SUPT16H: variants seen among roughly 807,000 people sequenced by gnomAD.
SUPT16H encodes FACT complex subunit SPT16.
In SUPT16H, 24 loss-of-function variants were observed where a neutral mutation model predicts 136.2. The observed-to-expected ratio is 0.18, with a 90% CI of 0.13 to 0.25. The LOEUF (loss-of-function observed/expected upper bound fraction) is 0.25. SUPT16H is among the 10% of genes least tolerant of loss of function. The pLI is 1.00. For synonymous variants in SUPT16H, 415 were observed against 428.2 expected (o/e 0.97, Z 0.38); for missense variants, 623 against 1,270.2 (o/e 0.49, Z 7.74).
intron 5 of SUPT16H, 194 bp downstream of exon 5, chr14:21,369,556 G>T: frequency 1.0e-6 from 1 of 976,182 alleles, no homozygotes; most frequent in South Asian, 1.7e-5. Flanking sequence ...TGATTCTCAA[G>T]TAAAATAATG....
Position 21,368,428 on chromosome 14 carries a change from T to C in SUPT16H, c.796A>G (p.Met266Val). ...KFSVVSDKNH[M>V]HFGAITCAMG... ...GCACAAGTGATAGCCCCAAAGTGCA[T>C]ATGATTCTTGTCACTAGAGACCAAC... Residue 266 changes from methionine to valine, a missense_variant, in exon 7 of 26, where the codon ATG (methionine) becomes GTG (valine). Coordinates refer to ENST00000216297, the MANE Select transcript of SUPT16H (RefSeq NM_007192.4). The C allele has an allele frequency of 1.2e-6, 2 of 1,608,502 alleles. No homozygotes were observed. The highest frequency in any genetic ancestry group is 2.2e-5 in the East Asian group (1 of 44,736).
chr14:21,361,237 T>TAGAC (rs765388708), intron 15 of SUPT16H, 24 bp from the exon 16 acceptor site: 4 of 1,612,894 alleles, frequency 2.5e-6, no homozygotes, highest in Non-Finnish European at 3.4e-6. Context: ...ACAGCATTTA[T>TAGAC]AGACATTTCT....
At chr14:21,366,343 T>C in intron 8 of SUPT16H, 96 bp downstream of exon 8, 1 of 1,136,260 alleles carries the variant, frequency 8.8e-7, no homozygotes, top group Non-Finnish European at 1.3e-6. Context: ...CCATAAATGT[T>C]GGCTGAATCA....
At chr14:21,359,387 C>T (rs138211623) in intron 19 of SUPT16H, 97 bp downstream of exon 19, 36,615 of 1,528,318 alleles carry the variant, frequency 0.024, 472 homozygotes, top group African/African-American at 0.034. Flanking sequence ...CGAGTCACCA[C>T]GCCAGCCCAG....
chr14:21,363,376 C>T, intron 11 of SUPT16H, 48 bp from the exon 12 acceptor site: 1 of 1,603,564 alleles, frequency 6.2e-7, no homozygotes, highest in South Asian at 1.1e-5. Context: ...TTATTTTAGC[C>T]AATATTATTT....
chr14:21,360,409 G>T lies in SUPT16H; in HGVS notation c.2175+6C>A, dbSNP rs1278949904. 5 of 1,595,256 alleles carry T rather than the reference G, an allele frequency of 3.1e-6. No individual in the cohort carries two copies. The African/African-American group carries it at 4.0e-5, about 13-fold the overall frequency. On this transcript the variant is annotated splice_donor_region_variant and intron_variant, in intron 18 of 25. Coordinates refer to ENST00000216297, the MANE Select transcript of SUPT16H (RefSeq NM_007192.4). ...AGCTGACAGCTAGTTAAGTAGAAAG[G>T]TATACCTTGAGGTGAAAGTGCAAGA...
chr14:21,382,286 C>T (rs191476084), intron 1 of SUPT16H, among the ~76,000 whole-genome samples: 55 of 152,206 alleles, frequency 3.6e-4, no homozygotes, highest in African/African-American at 1.3e-3. Flanking sequence ...TAACATTCTC[C>T]CAAGATGATG....
intron 18 of SUPT16H, 81 bp from the exon 19 acceptor site, chr14:21,359,690 G>C: frequency 6.5e-7 from 1 of 1,528,326 alleles, no homozygotes; most frequent in Non-Finnish European, 8.8e-7. Context: ...TCCAAACTTG[G>C]GCCTCCACAG....
intron 6 of SUPT16H, 129 bp from the exon 7 acceptor site, chr14:21,368,570 C>G: frequency 9.4e-7 from 1 of 1,065,258 alleles, no homozygotes. Flanking sequence ...GAATAAGGAC[C>G]TAAACTTTTT....
rs1886594480 is a variant in SUPT16H at position 21,363,225 on chromosome 14, A to AAACTTACT, written c.1395_1395+7dup. The AAACTTACT allele has an allele frequency of 1.2e-6, 2 of 1,614,146 alleles. No homozygotes were observed. Among genetic ancestry groups the AAACTTACT allele is most frequent in the Non-Finnish European group, 8.5e-7 (1 of 1,180,030 alleles). On this transcript the variant is annotated splice_region_variant and intron_variant, in intron 12 of 25. Transcript: ENST00000216297. ...CGAGATCAATGTAATTTAAAATAGT[A>AAACTTACT]AACTTACTCTTGTTCTTTCTGTAAG...
chr14:21,382,184 A>G (rs1325486352), intron 1 of SUPT16H, among the ~76,000 whole-genome samples: 1 of 152,184 alleles, frequency 6.6e-6, no homozygotes, highest in Non-Finnish European at 1.5e-5. Context: ...TATTCAAGTA[A>G]GTTTTTCATA....
intron 2 of SUPT16H, 90 bp downstream of exon 2, chr14:21,373,248 G>A: frequency 1.8e-6 from 2 of 1,081,888 alleles, no homozygotes; most frequent in Non-Finnish European, 1.4e-6. Flanking sequence ...AGCCAGCCAG[G>A]AATTTAAGTT....
chr14:21,381,035 A>C (rs1338197860), intron 1 of SUPT16H, among the ~76,000 whole-genome samples: 4 of 152,080 alleles, frequency 2.6e-5, no homozygotes, highest in African/African-American at 9.6e-5. Context: ...GGTGCTGCAA[A>C]TCCTTTCTGC....
rs1886386774 is a variant in SUPT16H at position 21,354,537 on chromosome 14, G to A, written c.2664C>T (p.Ser888=). ...CTCCTTCTGTGTATTTCAGGTCGCA[G>A]GAACTAAGAGAAATGACATGACAAA... is the stretch of plus-strand genomic sequence containing the variant. ...SLDPIKEWLN[S]CDLKYTEGVQ... Residue 888 remains serine, a synonymous_variant, in exon 23 of 26, where the codon TCC becomes TCT. Coordinates refer to ENST00000216297, the MANE Select transcript of SUPT16H (RefSeq NM_007192.4). 1.2e-6 allele frequency: 2 copies of A among 1,612,422 alleles called. No individual in the cohort carries two copies. Among genetic ancestry groups the A allele is most frequent in the Non-Finnish European group, 1.7e-6 (2 of 1,179,530 alleles).
At chr14:21,353,903 C>T (rs1886375328) in intron 23 of SUPT16H, 71 bp from the exon 24 acceptor site, 1 of 1,463,000 alleles carries the variant, frequency 6.8e-7, no homozygotes, top group Non-Finnish European at 9.3e-7. Context: ...TTAATTCAGC[C>T]CACATAGTAT....
chr14:21,360,387 T>G, intron 18 of SUPT16H, 28 bp downstream of exon 18: 1 of 1,515,536 alleles, frequency 6.6e-7, no homozygotes, highest in Non-Finnish European at 9.1e-7. Flanking sequence ...GCCCAAGAGC[T>G]GACAGCTAGT....
chr14:21,359,263 T>C (rs887933362), intron 19 of SUPT16H, among the ~76,000 whole-genome samples: 15 of 152,116 alleles, frequency 9.9e-5, no homozygotes, highest in Admixed American at 9.8e-4. Flanking sequence ...CCCAGCTAAT[T>C]TATGTATTTT....
At chr14:21,376,229 A>G (rs1381414048) in intron 1 of SUPT16H, among the ~76,000 whole-genome samples, 1 of 152,174 alleles carries the variant, frequency 6.6e-6, no homozygotes, top group Non-Finnish European at 1.5e-5. Flanking sequence ...CTATATGCCT[A>G]TCCTTAGGCC....
At chr14:21,355,852 C>T (rs777874133) in intron 22 of SUPT16H, among the ~76,000 whole-genome samples, 4 of 152,160 alleles carry the variant, frequency 2.6e-5, no homozygotes, top group South Asian at 2.1e-4. Flanking sequence ...ACAATATACA[C>T]GGCAACTTCT....
Sources: allele counts gnomAD v4.1 joint callset (sites outside exome capture counted in the v4.1 genomes callset), GRCh38; gene constraint gnomAD v4.1.1; transcripts MANE v1.5; gene names NCBI Gene and HGNC (gene_info 2026-07-23, HGNC 2026-07-21).